The following DOCK9 variants were observed in gnomAD, a reference collection of about 807,000 sequenced individuals.
DOCK9 encodes the protein dedicator of cytokinesis protein 9.
In DOCK9, 89 loss-of-function variants were observed where a neutral mutation model predicts 263.3. The ratio of observed to expected loss-of-function variants is 0.34; its 90% CI spans 0.28 to 0.40. DOCK9 has a LOEUF of 0.40. Among genes scored for constraint, DOCK9 ranks in the 10% least tolerant of loss-of-function variants. The pLI is 1.00. For synonymous variants in DOCK9, 976 were observed against 973.1 expected, an observed-to-expected ratio of 1.00 and a Z score of -0.06; for missense variants, 2,140 against 2,603.4, an observed-to-expected ratio of 0.82 and a Z score of 3.87.
intron 38 of DOCK9, among the ~76,000 whole-genome samples, chr13:98,838,300 G>A (rs928111045): frequency 2.6e-5 from 4 of 152,208 alleles, no homozygotes; most frequent in African/African-American, 9.6e-5. Flanking sequence ...TCAAAGGGTT[G>A]TGGTAAGGAT....
At chr13:98,841,733 T>C (rs560349011) in intron 38 of DOCK9, among the ~76,000 whole-genome samples, 1 of 151,580 alleles carries the variant, frequency 6.6e-6, no homozygotes, top group Non-Finnish European at 1.5e-5. Flanking sequence ...GCAATTCTCC[T>C]GCCTCAACCT....
chr13:99,054,302 A>G (rs927467591), intron 1 of DOCK9, among the ~76,000 whole-genome samples: 7 of 152,200 alleles, frequency 4.6e-5, no homozygotes, highest in Non-Finnish European at 8.8e-5. Context: ...TAATGGGGTA[A>G]TTTGTGGCCT....
At chr13:98,930,393 C>T in intron 2 of DOCK9, 136 bp from the exon 3 acceptor site, 1 of 708,058 alleles carries the variant, frequency 1.4e-6, no homozygotes, top group South Asian at 1.6e-5. Context: ...AGTGCAGCTG[C>T]CTCCTTCCGT....
At chr13:99,059,207 T>C (rs2041070832) in intron 1 of DOCK9, among the ~76,000 whole-genome samples, 1 of 152,192 alleles carries the variant, frequency 6.6e-6, no homozygotes, top group Non-Finnish European at 1.5e-5. Context: ...TCCAAGAATT[T>C]GCATTTTTAG....
At chr13:98,900,321 G>C (rs2048083581) in intron 13 of DOCK9, among the ~76,000 whole-genome samples, 1 of 152,198 alleles carries the variant, frequency 6.6e-6, no homozygotes, top group African/African-American at 2.4e-5. Context: ...TAACAAAGTT[G>C]CTGTGGATGG....
chr13:98,893,188 C>G (rs1443463972), intron 15 of DOCK9, among the ~76,000 whole-genome samples: 1 of 152,028 alleles, frequency 6.6e-6, no homozygotes, highest in Admixed American at 6.6e-5. Context: ...GTAACCAGAG[C>G]GAAATCGGGG....
intron 45 of DOCK9, among the ~76,000 whole-genome samples, chr13:98,817,451 C>CGTTTTT (rs2091946292): frequency 1.0e-5 from 1 of 97,632 alleles, no homozygotes; most frequent in African/African-American, 4.9e-5. Flanking sequence ...ATACACCCAG[C>CGTTTTT]TTTTTTTTTT....
intron 1 of DOCK9, among the ~76,000 whole-genome samples, chr13:99,053,756 C>A (rs1001499633): frequency 4.6e-5 from 7 of 152,152 alleles, no homozygotes; most frequent in African/African-American, 1.4e-4. Context: ...TGGTCCCCAG[C>A]GATAGCACAA....
chr13:98,996,398 C>T (rs776376431), intron 1 of DOCK9, among the ~76,000 whole-genome samples: 3 of 152,194 alleles, frequency 2.0e-5, no homozygotes, highest in Non-Finnish European at 4.4e-5. Flanking sequence ...TTATGTTATA[C>T]CTTGTAAGCC....
At chr13:98,879,018 A>T (rs1594902908) in intron 27 of DOCK9, among the ~76,000 whole-genome samples, 1 of 151,944 alleles carries the variant, frequency 6.6e-6, no homozygotes, top group South Asian at 2.1e-4. Flanking sequence ...CTTCAACCAG[A>T]CCCTGCCTCC....
chr13:98,846,723 G>A (rs572584994), intron 37 of DOCK9: 2 of 407,132 alleles, frequency 4.9e-6, no homozygotes, highest in East Asian at 7.0e-5. Context: ...GTGTTATTGT[G>A]TGTAGGAGAA....
intron 45 of DOCK9, among the ~76,000 whole-genome samples, chr13:98,821,996 T>C (rs192892067): frequency 1.3e-5 from 2 of 152,330 alleles, no homozygotes; most frequent in African/African-American, 2.4e-5. Flanking sequence ...TGGCAGCCAA[T>C]GCAAAAACGT....
chr13:98,868,548 GAGCCCAGGGGTTTAAGACC>G (rs1439913969), intron 27 of DOCK9, among the ~76,000 whole-genome samples, 171 bp from the exon 28 acceptor site: 2 of 152,176 alleles, frequency 1.3e-5, no homozygotes, highest in African/African-American at 4.8e-5. Flanking sequence ...AGGATCACTT[GAGCCCAGGGGTTTAAGACC>G]AGCCCAGGCA....
chr13:98,923,188 T>C, intron 5 of DOCK9, 114 bp downstream of exon 5: 1 of 948,740 alleles, frequency 1.1e-6, no homozygotes, highest in Non-Finnish European at 1.7e-6. Context: ...CATGTAACAC[T>C]CCAATGCCTG....
intron 2 of DOCK9, among the ~76,000 whole-genome samples, chr13:98,930,988 T>C (rs1432357884): frequency 6.6e-6 from 1 of 152,158 alleles, no homozygotes; most frequent in African/African-American, 2.4e-5. Context: ...ATTAAGTACA[T>C]TCACACAATT....
chr13:98,884,952 A>G lies in DOCK9; in HGVS notation c.2382+19T>C. 3.1e-6 allele frequency: 5 copies of G among 1,607,424 alleles called. No homozygotes were observed. Among genetic ancestry groups the G allele is most frequent in the Non-Finnish European group, 4.2e-6 (5 of 1,177,338 alleles). ...TTTCTGAAGAAATTGGGATGACCCA[A>G]TCTTAAAATGGGACATACCCTGCCC... On this transcript the variant is annotated intron_variant, in intron 21 of 52. Transcript: ENST00000682017.
intron 34 of DOCK9, among the ~76,000 whole-genome samples, chr13:98,855,349 G>A (rs9584953): frequency 0.059 from 8,977 of 152,166 alleles, 678 homozygotes; most frequent in African/African-American, 0.17. Flanking sequence ...CGAGGCGGGC[G>A]GATGACGAGG....
rs373933644 is a variant in DOCK9 at position 98,855,405 on chromosome 13, C to T, written c.3831+493G>A. On this transcript the variant is annotated intron_variant, in intron 34 of 52. Coordinates refer to ENST00000682017, the MANE Select transcript of DOCK9 (RefSeq NM_001366683.2). ...TGGCCAATATGGTGAAACCCCATCT[C>T]TACTAAAAATACAAAAATTAGCCGG... Among the ~76,000 whole-genome samples, 11 of 152,254 alleles carry T rather than the reference C, an allele frequency of 7.2e-5. No homozygotes were observed. The South Asian group carries it at 1.0e-3, about 14-fold the overall frequency.
chr13:98,973,578 C>T (rs1316344957), intron 1 of DOCK9, among the ~76,000 whole-genome samples: 1 of 152,096 alleles, frequency 6.6e-6, no homozygotes, highest in African/African-American at 2.4e-5. Context: ...ATGAGCCACC[C>T]AAAAGGTGTC....
Sources: gnomAD v4.1 joint callset for allele counts (sites outside exome capture counted in the v4.1 genomes callset) on GRCh38, gnomAD v4.1.1 for gene constraint, MANE v1.5 for transcripts, NCBI Gene and HGNC (gene_info 2026-07-23, HGNC 2026-07-21) for gene names.